The following DSCAM variants were observed in gnomAD, a reference collection of about 807,000 sequenced individuals.
DSCAM encodes cell adhesion molecule DSCAM.
In DSCAM, 47 loss-of-function variants were observed where a neutral mutation model predicts 217.7. That is an observed-to-expected ratio of 0.22 (90% CI 0.17 to 0.28). The LOEUF is 0.28. DSCAM is among the 10% of genes least tolerant of loss of function. DSCAM has a pLI of 1.00. For missense variants in DSCAM, 2,080 were observed against 2,618.3 expected (o/e 0.79, Z 4.49); for synonymous variants, 1,056 against 1,015.3 (o/e 1.04, Z -0.76).
chr21:40,515,642 A>T (rs1601706849), intron 3 of DSCAM, among the ~76,000 whole-genome samples: 1 of 152,194 alleles, frequency 6.6e-6, no homozygotes, highest in African/African-American at 2.4e-5. Flanking sequence ...TAAAAATTGC[A>T]GTCTTTTCTG....
At chr21:40,076,329 A>G (rs578083290) in intron 26 of DSCAM, among the ~76,000 whole-genome samples, 1 of 152,114 alleles carries the variant, frequency 6.6e-6, no homozygotes, top group Non-Finnish European at 1.5e-5. Flanking sequence ...TCAAGCAGAA[A>G]CATTCGGCTA....
At chr21:40,517,532 T>A (rs1247322836) in intron 3 of DSCAM, among the ~76,000 whole-genome samples, 2 of 152,004 alleles carry the variant, frequency 1.3e-5, no homozygotes, top group African/African-American at 4.8e-5. Flanking sequence ...TCACACAAGG[T>A]TGACTCAGGT....
intron 10 of DSCAM, among the ~76,000 whole-genome samples, chr21:40,282,310 G>A (rs1275602933): frequency 2.6e-5 from 4 of 151,982 alleles, no homozygotes; most frequent in South Asian, 2.1e-4. Context: ...AATCTAGGCC[G>A]GGCGCGGTGG....
At chr21:40,193,599 T>G (rs1452832677) in intron 11 of DSCAM, among the ~76,000 whole-genome samples, 1 of 152,172 alleles carries the variant, frequency 6.6e-6, no homozygotes, top group East Asian at 1.9e-4. Context: ...AGTGTCCTGA[T>G]TCCTGCAACA....
intron 11 of DSCAM, among the ~76,000 whole-genome samples, chr21:40,196,888 G>T (rs1036077277): frequency 2.0e-5 from 3 of 152,182 alleles, no homozygotes; most frequent in Non-Finnish European, 4.4e-5. Context: ...ACTATTTTAA[G>T]TTGATTCTAA....
intron 3 of DSCAM, among the ~76,000 whole-genome samples, chr21:40,648,538 T>G (rs983871808): frequency 6.6e-6 from 1 of 152,184 alleles, no homozygotes. Flanking sequence ...ATCCACAGAC[T>G]GGATTGAGAA....
intron 21 of DSCAM, among the ~76,000 whole-genome samples, chr21:40,092,648 G>T (rs1173436887): frequency 6.6e-6 from 1 of 152,142 alleles, no homozygotes; most frequent in Non-Finnish European, 1.5e-5. Context: ...GTGTTTTGTT[G>T]CAGTGTTTTT....
rs77873316 is a variant in DSCAM at position 40,755,727 on chromosome 21, G to A, written c.44-46956C>T. On this transcript the variant is annotated intron_variant, in intron 1 of 32. Transcript: ENST00000400454. ...GTAGGGGATTCCAAAGTTTACTGATGTGAATTTAAGAGCAAAATGAGATGC... is the reference window on the plus strand; with the variant it reads ...GTAGGGGATTCCAAAGTTTACTGATATGAATTTAAGAGCAAAATGAGATGC... Among the ~76,000 whole-genome samples, 563 of 152,296 alleles carry A rather than the reference G, an allele frequency of 3.7e-3. 11 individuals are homozygous for A. Among genetic ancestry groups the A allele is most frequent in the African/African-American group, 0.012 (498 of 41,566 alleles).
chr21:40,481,777 G>A (rs1411760971), intron 3 of DSCAM, among the ~76,000 whole-genome samples: 1 of 152,116 alleles, frequency 6.6e-6, no homozygotes, highest in Admixed American at 6.5e-5. Context: ...CACATGCACT[G>A]CCTAGTTACT....
chr21:40,614,253 G>T lies in DSCAM; in HGVS notation c.508+78557C>A, dbSNP rs534671247. On this transcript the variant is annotated intron_variant, in intron 3 of 32. Transcript: ENST00000400454. ...CACCCTAAGGGTTTTTTAGAGTCAA[G>T]AAATTTTTGTTTTGTTTTCCTTTTC... 9.9e-4 allele frequency among the ~76,000 whole-genome samples: 151 copies of T among 152,310 alleles called. 1 individual carries two copies. In the Middle Eastern group the frequency reaches 0.024, roughly 24 times the overall value.
At chr21:40,228,643 CTTTT>C (rs566256586) in intron 11 of DSCAM, among the ~76,000 whole-genome samples, 2 of 134,790 alleles carry the variant, frequency 1.5e-5, no homozygotes, top group Non-Finnish European at 3.1e-5. Context: ...CACCTCTTTT[CTTTT>C]TTTTTTTTTT....
intron 1 of DSCAM, among the ~76,000 whole-genome samples, chr21:40,810,109 C>A (rs1231792061): frequency 6.6e-6 from 1 of 152,200 alleles, no homozygotes; most frequent in African/African-American, 2.4e-5. Flanking sequence ...GCTGAACTTG[C>A]AGACAAAGAA....
intron 3 of DSCAM, among the ~76,000 whole-genome samples, chr21:40,638,991 G>C (rs1234936201): frequency 6.6e-6 from 1 of 151,870 alleles, no homozygotes; most frequent in Non-Finnish European, 1.5e-5. Flanking sequence ...TTCCAGGCAG[G>C]CTTCAGTTCT....
At chr21:40,446,037 T>C (rs1342058644) in intron 3 of DSCAM, among the ~76,000 whole-genome samples, 1 of 152,238 alleles carries the variant, frequency 6.6e-6, no homozygotes, top group Non-Finnish European at 1.5e-5. Flanking sequence ...TAAAATGCTC[T>C]TGGTTTTGGA....
intron 3 of DSCAM, among the ~76,000 whole-genome samples, chr21:40,455,894 G>C (rs961783260): frequency 6.6e-6 from 1 of 152,116 alleles, no homozygotes; most frequent in Non-Finnish European, 1.5e-5. Flanking sequence ...GAGAGACAGG[G>C]AAGAAGACAA....
intron 11 of DSCAM, among the ~76,000 whole-genome samples, chr21:40,262,421 G>A (rs915949109): frequency 2.0e-5 from 3 of 151,968 alleles, no homozygotes; most frequent in Non-Finnish European, 2.9e-5. Flanking sequence ...AACTTGCCCC[G>A]CCTCCAGAAC....
intron 3 of DSCAM, among the ~76,000 whole-genome samples, chr21:40,628,971 T>G (rs149382896): frequency 6.6e-6 from 1 of 152,230 alleles, no homozygotes; most frequent in African/African-American, 2.4e-5. Flanking sequence ...GGTATCAAAC[T>G]CCTGGCCTCA....
chr21:40,683,626 C>T (rs998893533), intron 3 of DSCAM, among the ~76,000 whole-genome samples: 2 of 151,980 alleles, frequency 1.3e-5, no homozygotes, highest in South Asian at 2.1e-4. Flanking sequence ...CCTAGAACGC[C>T]GGAGCAGGTA....
chr21:40,039,256 T>A (rs1043112234), intron 32 of DSCAM, among the ~76,000 whole-genome samples: 6 of 151,892 alleles, frequency 4.0e-5, no homozygotes, highest in African/African-American at 1.4e-4. Flanking sequence ...CCAATGTAGG[T>A]TTTTGAATAT....
Sources: allele counts gnomAD v4.1 joint callset (sites outside exome capture counted in the v4.1 genomes callset), GRCh38; gene constraint gnomAD v4.1.1; transcripts MANE v1.5; gene names NCBI Gene and HGNC (gene_info 2026-07-23, HGNC 2026-07-21).